The following ANK2 variants were observed in gnomAD, a reference collection of about 807,000 sequenced individuals.
ANK2 encodes the protein ankyrin 2.
ANK2 carries 83 observed loss-of-function variants against 360.5 expected under a neutral mutation model. The observed-to-expected ratio is 0.23, with a 90% CI of 0.19 to 0.28. The LOEUF (loss-of-function observed/expected upper bound fraction) is 0.28, where lower values mean the gene tolerates loss of function less well. Among genes scored for constraint, ANK2 ranks in the 10% least tolerant of loss-of-function variants. The probability of loss-of-function intolerance (pLI) is 1.00; values close to 1 mark genes in which losing one functional copy is unlikely to be tolerated. For missense variants in ANK2, 4,201 were observed against 4,795.7 expected (o/e 0.88, Z 3.66); for synonymous variants, 1,740 against 1,759.5 (o/e 0.99, Z 0.28).
intron 1 of ANK2, among the ~76,000 whole-genome samples, chr4:112,852,418 A>G (rs2065233377): frequency 6.6e-6 from 1 of 152,222 alleles, no homozygotes; most frequent in Non-Finnish European, 1.5e-5. Flanking sequence ...GTTTCTTTTA[A>G]AAAATCTCTT....
intron 2 of ANK2, among the ~76,000 whole-genome samples, chr4:112,978,211 T>C (rs560832883): frequency 6.6e-6 from 1 of 152,060 alleles, no homozygotes; most frequent in African/African-American, 2.4e-5. Flanking sequence ...GCCATTGCAC[T>C]GCAGCCTGGG....
Position 113,373,337 on chromosome 4 carries a change from A to T in ANK2, c.11747A>T (p.Glu3916Val). Reference protein sequence around the residue: ...RYVSSEGTEKEEIMVQGMPQE... With the variant: ...RYVSSEGTEKVEIMVQGMPQE... ...GTATCCTCTGAAGGCACAGAGAAAG[A>T]AGAGATTATGGTGCAGGGAATGCCA... The change falls in exon 45 of 46, where the codon GAA becomes GTA. Residue 3916 changes from glutamate to valine, a missense_variant. Physicochemically the swap from Glu to Val is moderately radical, Grantham distance 121 (BLOSUM62 -2). Transcript: ENST00000357077. 6.2e-7 allele frequency: 1 copy of T among 1,614,186 alleles called. No homozygotes were observed. The highest frequency in any genetic ancestry group is 1.3e-5 in the African/African-American group (1 of 75,054).
chr4:113,017,970 T>C (rs2154295921), intron 2 of ANK2, among the ~76,000 whole-genome samples: 1 of 152,336 alleles, frequency 6.6e-6, no homozygotes, highest in South Asian at 2.1e-4. Flanking sequence ...GCTGAAGAAC[T>C]CCTTTTGTGG....
chr4:113,005,384 A>T (rs2052457244), intron 2 of ANK2, among the ~76,000 whole-genome samples: 1 of 152,236 alleles, frequency 6.6e-6, no homozygotes, highest in African/African-American at 2.4e-5. Context: ...TGATATATAT[A>T]ATCAATAGAA....
intron 23 of ANK2, among the ~76,000 whole-genome samples, chr4:113,304,415 A>C (rs2076311611): frequency 6.6e-6 from 1 of 152,206 alleles, no homozygotes; most frequent in East Asian, 1.9e-4. Flanking sequence ...ATATGAGTGG[A>C]ATTGTATATG....
At chr4:113,158,695 C>T (rs1490756292) in intron 1 of ANK2, among the ~76,000 whole-genome samples, 2 of 152,124 alleles carry the variant, frequency 1.3e-5, no homozygotes, top group Admixed American at 6.5e-5. Context: ...CTTAACATCT[C>T]GTAGTTTCAC....
At chr4:113,076,412 T>C (rs964479184) in intron 1 of ANK2, among the ~76,000 whole-genome samples, 40 of 152,238 alleles carry the variant, frequency 2.6e-4, no homozygotes, top group African/African-American at 9.2e-4. Context: ...ATACCTAAGC[T>C]TAGTAAACCA....
chr4:112,879,552 C>G (rs1457766895), intron 1 of ANK2, among the ~76,000 whole-genome samples: 1 of 152,146 alleles, frequency 6.6e-6, no homozygotes, highest in South Asian at 2.1e-4. Context: ...CCCTCATCCA[C>G]AGAAACCGTG....
At chr4:113,204,393 A>C (rs888185240) in intron 4 of ANK2, among the ~76,000 whole-genome samples, 1 of 152,264 alleles carries the variant, frequency 6.6e-6, no homozygotes, top group South Asian at 2.1e-4. Flanking sequence ...TTTATAGAAG[A>C]AGGGAAGGGC....
At chr4:113,260,556 A>T (rs1236759988) in intron 13 of ANK2, among the ~76,000 whole-genome samples, 1 of 152,188 alleles carries the variant, frequency 6.6e-6, no homozygotes, top group Non-Finnish European at 1.5e-5. Context: ...ATACCTATTG[A>T]TAGGGTTGCC....
At chr4:113,187,022 C>T (rs1316567942) in intron 2 of ANK2, among the ~76,000 whole-genome samples, 2 of 151,918 alleles carry the variant, frequency 1.3e-5, no homozygotes, top group African/African-American at 4.8e-5. Context: ...AAAGGCACAC[C>T]TTGGGGCATA....
chr4:112,745,338 A>T, the ANK2 span, among the ~76,000 whole-genome samples: 3 of 152,082 alleles, frequency 2.0e-5, no homozygotes, highest in African/African-American at 7.2e-5. Flanking sequence ...ATATTTATGG[A>T]GTATATGAGA....
chr4:113,194,396 A>G (rs924205899), intron 2 of ANK2, among the ~76,000 whole-genome samples: 1 of 152,170 alleles, frequency 6.6e-6, no homozygotes, highest in Non-Finnish European at 1.5e-5. Flanking sequence ...GGGGTCATCC[A>G]CTAGCTTTAT....
At chr4:112,804,050 G>A in the ANK2 span, among the ~76,000 whole-genome samples, 5 of 145,960 alleles carry the variant, frequency 3.4e-5, no homozygotes, top group South Asian at 6.5e-4. Flanking sequence ...ATGGAGTCTC[G>A]CTCTGTCACC....
chr4:112,815,469 A>G (rs2055563374), upstream of ANK2, among the ~76,000 whole-genome samples: 1 of 152,222 alleles, frequency 6.6e-6, no homozygotes, highest in African/African-American at 2.4e-5. Flanking sequence ...AATTTCCTAG[A>G]TAATGAGGAG....
intron 1 of ANK2, among the ~76,000 whole-genome samples, chr4:112,852,775 T>C (rs1417867495): frequency 6.6e-6 from 1 of 152,192 alleles, no homozygotes; most frequent in Non-Finnish European, 1.5e-5. Flanking sequence ...TGGAATGGAA[T>C]ACTGACAGGA....
intron 2 of ANK2, among the ~76,000 whole-genome samples, chr4:113,040,139 C>CTGAA (rs1015415625): frequency 4.6e-5 from 7 of 152,060 alleles, no homozygotes; most frequent in Admixed American, 4.6e-4. Context: ...TCACTAGAGA[C>CTGAA]TGAATGTATA....
rs572919905 is a variant in ANK2 at position 113,075,164 on chromosome 4, A to G, written c.84+25352A>G. ...GAAGCACTACTTTAGCATCTCAATT[A>G]TTATTACATTATTAGCAGTAATTAA... On this transcript the variant is annotated intron_variant, in intron 1 of 45. Coordinates refer to ENST00000357077, the MANE Select transcript of ANK2 (RefSeq NM_001148.6). 2.0e-5 allele frequency among the ~76,000 whole-genome samples: 3 copies of G among 152,320 alleles called. No homozygotes were observed. The South Asian group carries it at 6.2e-4, about 32-fold the overall frequency.
At chr4:113,190,883 A>G (rs1399227252) in intron 2 of ANK2, among the ~76,000 whole-genome samples, 3 of 152,226 alleles carry the variant, frequency 2.0e-5, no homozygotes, top group South Asian at 4.1e-4. Context: ...AACCATGACT[A>G]TTATAATAAG....
Sources: gnomAD v4.1 joint callset for allele counts (sites outside exome capture counted in the v4.1 genomes callset) on GRCh38, gnomAD v4.1.1 for gene constraint, MANE v1.5 for transcripts, NCBI Gene and HGNC (gene_info 2026-07-23, HGNC 2026-07-21) for gene names.